Variants in ZCCHC24 observed in about 807,000 individuals in gnomAD.
ZCCHC24 encodes the protein zinc finger CCHC domain-containing protein 24.
A neutral mutation model predicts 26.2 loss-of-function variants in ZCCHC24; 10 were observed. That is an observed-to-expected ratio of 0.38 (90% confidence interval 0.24 to 0.65). The LOEUF (loss-of-function observed/expected upper bound fraction) is 0.65, where lower values mean the gene tolerates loss of function less well. Among genes scored for constraint, ZCCHC24 ranks in the 30% least tolerant of loss-of-function variants. The probability of loss-of-function intolerance (pLI) is 0.54; values close to 1 mark genes in which losing one functional copy is unlikely to be tolerated. For synonymous variants in ZCCHC24, 144 were observed against 147.1 expected (o/e 0.98, Z 0.15); for missense variants, 243 against 329.1 (o/e 0.74, Z 2.03).
chr10:79,431,961 C>T (rs1050209089), intron 2 of ZCCHC24, among the ~76,000 whole-genome samples: 1 of 152,192 alleles, frequency 6.6e-6, no homozygotes, highest in African/African-American at 2.4e-5. Flanking sequence ...AGCATTGGAT[C>T]AGGTGGGGGC....
At chr10:79,408,871 C>T (rs1034447666) in intron 2 of ZCCHC24, among the ~76,000 whole-genome samples, 13 of 152,214 alleles carry the variant, frequency 8.5e-5, no homozygotes, top group African/African-American at 2.4e-4. Flanking sequence ...TAAGCCCCTT[C>T]CCTGCCTGGG....
chr10:79,430,712 A>C (rs112687426), intron 2 of ZCCHC24, among the ~76,000 whole-genome samples: 34 of 149,108 alleles, frequency 2.3e-4, no homozygotes, highest in African/African-American at 4.2e-4. Context: ...ACACACACAC[A>C]CCCTCTGCTA....
At chr10:79,429,059 T>C (rs1411998338) in intron 2 of ZCCHC24, among the ~76,000 whole-genome samples, 1 of 151,964 alleles carries the variant, frequency 6.6e-6, no homozygotes, top group Non-Finnish European at 1.5e-5. Context: ...ATCTGGAAAA[T>C]AATTACTGCT....
At chr10:79,433,522 C>T (rs1286818414) in intron 1 of ZCCHC24, among the ~76,000 whole-genome samples, 26 of 152,342 alleles carry the variant, frequency 1.7e-4, no homozygotes, top group Non-Finnish European at 7.3e-5. Flanking sequence ...TCACGGGCTC[C>T]GGGCTGCCTT....
intron 3 of ZCCHC24, among the ~76,000 whole-genome samples, chr10:79,389,524 T>C (rs1057227940): frequency 4.0e-5 from 5 of 126,002 alleles, no homozygotes; most frequent in African/African-American, 1.7e-4. Flanking sequence ...CACTGACTTT[T>C]TCCTAGTGTG....
At chr10:79,409,373 C>T (rs891798850) in intron 2 of ZCCHC24, 4 of 152,332 alleles carry the variant, frequency 2.6e-5, no homozygotes, top group African/African-American at 9.6e-5. Context: ...CCCCTGCCCT[C>T]CAGGGACCCC....
intron 2 of ZCCHC24, among the ~76,000 whole-genome samples, chr10:79,413,245 C>T (rs1382205739): frequency 1.3e-5 from 2 of 152,230 alleles, no homozygotes; most frequent in East Asian, 1.9e-4. Flanking sequence ...TACCATCCAC[C>T]GGCCCACAGC....
chr10:79,403,093 C>A (rs539975834), intron 2 of ZCCHC24, among the ~76,000 whole-genome samples: 7 of 152,254 alleles, frequency 4.6e-5, no homozygotes, highest in African/African-American at 1.7e-4. Flanking sequence ...GTGACCCACA[C>A]CAGTCGCGAA....
intron 2 of ZCCHC24, among the ~76,000 whole-genome samples, chr10:79,408,867 C>T (rs1001586248): frequency 1.6e-4 from 24 of 152,326 alleles, no homozygotes; most frequent in African/African-American, 5.8e-4. Flanking sequence ...GGGATAAGCC[C>T]CTTCCCTGCC....
intron 1 of ZCCHC24, among the ~76,000 whole-genome samples, chr10:79,444,478 C>CA (rs1292072814): frequency 6.6e-6 from 1 of 151,950 alleles, no homozygotes; most frequent in South Asian, 2.1e-4. Flanking sequence ...CTCTCCCCCC[C>CA]CCTTTCTAGC....
intron 2 of ZCCHC24, among the ~76,000 whole-genome samples, chr10:79,421,440 CT>C (rs1404681956): frequency 6.6e-6 from 1 of 151,626 alleles, no homozygotes; most frequent in Non-Finnish European, 1.5e-5. Flanking sequence ...TCCCTTCCCC[CT>C]CCCTCCCTTC....
At chr10:79,396,608 G>A (rs2132180136) in intron 2 of ZCCHC24, among the ~76,000 whole-genome samples, 1 of 152,318 alleles carries the variant, frequency 6.6e-6, no homozygotes, top group East Asian at 1.9e-4. Context: ...GACCAACAGC[G>A]ACAGCACCAC....
chr10:79,441,581 A>T (rs989366887), intron 1 of ZCCHC24, among the ~76,000 whole-genome samples: 2 of 152,052 alleles, frequency 1.3e-5, no homozygotes, highest in Non-Finnish European at 2.9e-5. Context: ...TCTCTGCTCA[A>T]ATAGGTGTGG....
At chr10:79,417,453 G>T (rs1046011462) in intron 2 of ZCCHC24, among the ~76,000 whole-genome samples, 1 of 152,190 alleles carries the variant, frequency 6.6e-6, no homozygotes, top group African/African-American at 2.4e-5. Flanking sequence ...GCCAGGGCTG[G>T]AGATCAGCAG....
chr10:79,405,306 C>A (rs1644128020), intron 2 of ZCCHC24, among the ~76,000 whole-genome samples: 1 of 152,244 alleles, frequency 6.6e-6, no homozygotes, highest in Non-Finnish European at 1.5e-5. Flanking sequence ...GTCAGGTGCA[C>A]CCTCCACACC....
At chr10:79,441,985 G>A (rs564633305) in intron 1 of ZCCHC24, among the ~76,000 whole-genome samples, 2 of 152,300 alleles carry the variant, frequency 1.3e-5, no homozygotes, top group South Asian at 2.1e-4. Context: ...GACTCCCATA[G>A]CCCCTTTACG....
At chr10:79,431,027 T>C (rs779713976) in intron 2 of ZCCHC24, among the ~76,000 whole-genome samples, 14 of 152,250 alleles carry the variant, frequency 9.2e-5, no homozygotes, top group Non-Finnish European at 1.6e-4. Context: ...AGTAGTTTCA[T>C]TAAATGAAAT....
chr10:79,429,241 G>A (rs1857092827), intron 2 of ZCCHC24, among the ~76,000 whole-genome samples: 1 of 152,208 alleles, frequency 6.6e-6, no homozygotes, highest in South Asian at 2.1e-4. Flanking sequence ...GATCTACAGA[G>A]AGAGAAATAG....
At chr10:79,440,564 C>T (rs1031372826) in intron 1 of ZCCHC24, among the ~76,000 whole-genome samples, 2 of 152,280 alleles carry the variant, frequency 1.3e-5, no homozygotes, top group East Asian at 1.9e-4. Flanking sequence ...AATTGCAGGA[C>T]GGGTCGCAGA....
Sources: gnomAD v4.1 joint callset for allele counts (sites outside exome capture counted in the v4.1 genomes callset) on GRCh38, gnomAD v4.1.1 for gene constraint, MANE v1.5 for transcripts, NCBI Gene and HGNC (gene_info 2026-07-23, HGNC 2026-07-21) for gene names.